Variants in HPSE2 observed in about 807,000 individuals in gnomAD.
The protein encoded by HPSE2 is inactive heparanase-2.
In HPSE2, 38 loss-of-function variants were observed where a neutral mutation model predicts 60.5. The ratio of observed to expected loss-of-function variants is 0.63; its 90% CI spans 0.48 to 0.82. The LOEUF is 0.82. HPSE2 is among the 40% of genes least tolerant of loss of function. The probability of loss-of-function intolerance (pLI) is 0.00; values close to 1 mark genes in which losing one functional copy is unlikely to be tolerated. For synonymous variants in HPSE2, 295 were observed against 293.2 expected (o/e 1.01, Z -0.06); for missense variants, 713 against 740.4 (o/e 0.96, Z 0.43).
chr10:98,982,503 CAA>C (rs1956230979), intron 3 of HPSE2, among the ~76,000 whole-genome samples: 1 of 152,004 alleles, frequency 6.6e-6, no homozygotes, highest in Non-Finnish European at 1.5e-5. Flanking sequence ...AAAAGTAAAA[CAA>C]ATAAATTTTT....
intron 3 of HPSE2, among the ~76,000 whole-genome samples, chr10:98,757,420 C>A (rs894245397): frequency 3.9e-5 from 6 of 151,926 alleles, no homozygotes; most frequent in African/African-American, 1.2e-4. Context: ...TATGATTCTA[C>A]ACCTAGAAAA....
chr10:99,260,103 T>C, the HPSE2 span, among the ~76,000 whole-genome samples: 2 of 152,176 alleles, frequency 1.3e-5, no homozygotes, highest in African/African-American at 4.8e-5. Flanking sequence ...TGATGGTAAG[T>C]AAACAATTCT....
At chr10:99,132,231 G>GAAAA (rs1845461610) in intron 3 of HPSE2, among the ~76,000 whole-genome samples, 1 of 35,816 alleles carries the variant, frequency 2.8e-5, no homozygotes, top group African/African-American at 5.2e-5. Context: ...GAGAGAGAGA[G>GAAAA]AGAGAGAGAG....
chr10:98,844,410 G>T (rs1417779051), intron 3 of HPSE2, among the ~76,000 whole-genome samples: 2 of 152,116 alleles, frequency 1.3e-5, no homozygotes, highest in Non-Finnish European at 2.9e-5. Context: ...ATTCTTATGT[G>T]ATTTTGATAA....
intron 3 of HPSE2, among the ~76,000 whole-genome samples, chr10:99,076,546 C>A (rs1842956705): frequency 6.6e-6 from 1 of 152,160 alleles, no homozygotes. Flanking sequence ...AGCCACCACA[C>A]CTGGCTAACT....
intron 3 of HPSE2, among the ~76,000 whole-genome samples, chr10:99,057,794 T>A (rs971667834): frequency 6.6e-6 from 1 of 152,180 alleles, no homozygotes; most frequent in Non-Finnish European, 1.5e-5. Context: ...AATACACGCA[T>A]GAATTCTTTC....
intron 9 of HPSE2, among the ~76,000 whole-genome samples, chr10:98,508,707 G>A (rs911734728): frequency 9.9e-5 from 15 of 152,154 alleles, no homozygotes; most frequent in Non-Finnish European, 1.2e-4. Flanking sequence ...AAGATTTGAG[G>A]AAAAGAAGGG....
chr10:99,088,703 C>T (rs1317949691), intron 3 of HPSE2, among the ~76,000 whole-genome samples: 1 of 152,152 alleles, frequency 6.6e-6, no homozygotes, highest in African/African-American at 2.4e-5. Context: ...GACTTATTTT[C>T]CTCTGGGTAG....
At chr10:98,467,138 T>C (rs1412135573) in intron 11 of HPSE2, among the ~76,000 whole-genome samples, 1 of 152,190 alleles carries the variant, frequency 6.6e-6, no homozygotes, top group Non-Finnish European at 1.5e-5. Context: ...TTACTTGTCC[T>C]TCAAGTCAGG....
intron 6 of HPSE2, among the ~76,000 whole-genome samples, chr10:98,645,193 G>A (rs1946735884): frequency 6.6e-6 from 1 of 152,140 alleles, no homozygotes; most frequent in Non-Finnish European, 1.5e-5. Context: ...TGTTTAGAGA[G>A]ATGAAAGATA....
chr10:99,117,427 A>G (rs1844746956), intron 3 of HPSE2, among the ~76,000 whole-genome samples: 1 of 128,354 alleles, frequency 7.8e-6, no homozygotes, highest in Non-Finnish European at 1.8e-5. Context: ...GAAAAAAAAA[A>G]AAAAAAAAAA....
chr10:98,662,286 G>A (rs1399889926), intron 6 of HPSE2, among the ~76,000 whole-genome samples: 1 of 152,166 alleles, frequency 6.6e-6, no homozygotes, highest in African/African-American at 2.4e-5. Flanking sequence ...CCCGGAAACT[G>A]ACAGTACACA....
In HPSE2 at chr10:98,899,181, C is replaced by T. The variant is rs114702709; in HGVS notation, c.611-155125G>A. ...TTTGTAGCTTGAAAGCAATTGCAAA[C>T]GACATGTAAACAAGAATACATGGCT... On this transcript the variant is annotated intron_variant, in intron 3 of 11. Coordinates refer to ENST00000370552, the MANE Select transcript of HPSE2 (RefSeq NM_021828.5). 3.7e-3 allele frequency among the ~76,000 whole-genome samples: 567 copies of T among 152,268 alleles called. 2 individuals carry two copies. Among genetic ancestry groups the T allele is most frequent in the African/African-American group, 0.013 (537 of 41,542 alleles).
At chr10:99,309,649 T>C in the HPSE2 span, among the ~76,000 whole-genome samples, 4 of 152,224 alleles carry the variant, frequency 2.6e-5, no homozygotes, top group Admixed American at 2.0e-4. Context: ...ATGGCTTCCA[T>C]TCTACAAAGA....
chr10:99,279,623 A>G, the HPSE2 span, among the ~76,000 whole-genome samples: 1 of 152,256 alleles, frequency 6.6e-6, no homozygotes, highest in Non-Finnish European at 1.5e-5. Context: ...CAACTCCATA[A>G]GTAAATATGA....
chr10:99,278,070 C>G, the HPSE2 span, among the ~76,000 whole-genome samples: 129 of 135,456 alleles, frequency 9.5e-4, no homozygotes, highest in African/African-American at 3.7e-3. Context: ...GTACTCCAGT[C>G]TGGGAGCGAG....
At chr10:99,215,925 T>C (rs1369818398) in intron 2 of HPSE2, among the ~76,000 whole-genome samples, 2 of 152,338 alleles carry the variant, frequency 1.3e-5, no homozygotes, top group East Asian at 1.9e-4. Flanking sequence ...AATAAAGCTG[T>C]TTTTAAAGGA....
intron 3 of HPSE2, among the ~76,000 whole-genome samples, chr10:98,980,707 G>T (rs1056531681): frequency 6.6e-6 from 1 of 152,112 alleles, no homozygotes; most frequent in Non-Finnish European, 1.5e-5. Context: ...GTTAGGTTAC[G>T]GTTTGTCCAC....
At chr10:99,155,486 C>T (rs1192909525) in intron 2 of HPSE2, among the ~76,000 whole-genome samples, 1 of 148,202 alleles carries the variant, frequency 6.7e-6, no homozygotes, top group African/African-American at 2.5e-5. Flanking sequence ...AACTGAACAA[C>T]CTGCTCCTGA....
Sources: gnomAD v4.1 joint callset for allele counts (sites outside exome capture counted in the v4.1 genomes callset) on GRCh38, gnomAD v4.1.1 for gene constraint, MANE v1.5 for transcripts, NCBI Gene and HGNC (gene_info 2026-07-23, HGNC 2026-07-21) for gene names.